The following FCGR2A variants were observed in gnomAD, a reference collection of about 807,000 sequenced individuals.
The protein encoded by FCGR2A is low affinity immunoglobulin gamma Fc region receptor II-a.
FCGR2A carries 18 observed loss-of-function variants against 29.3 expected under a neutral mutation model. That is an observed-to-expected ratio of 0.62 (90% CI 0.43 to 0.91). The LOEUF (loss-of-function observed/expected upper bound fraction) is 0.91, where lower values mean the gene tolerates loss of function less well. Ranked by LOEUF, FCGR2A falls within the 40% of genes least tolerant of loss-of-function variation. FCGR2A has a pLI of 0.00. For missense variants in FCGR2A, 287 were observed against 393.0 expected, an observed-to-expected ratio of 0.73 and a Z score of 2.28; for synonymous variants, 126 against 144.8, an observed-to-expected ratio of 0.87 and a Z score of 0.93.
chr1:161,518,454 A>T lies in FCGR2A; in HGVS notation c.*306A>T. On this transcript the variant is annotated 3_prime_UTR_variant, in exon 7 of 7. Coordinates refer to ENST00000271450, the MANE Select transcript of FCGR2A (RefSeq NM_001136219.3). ...CTAACATATAATTAGGTGACTAGGG[A>T]CTTTCTAAGAAGATACCTACCCCCA... The T allele has an allele frequency of 4.9e-6, 2 of 407,076 alleles. No individual in the cohort carries two copies. The highest frequency in any genetic ancestry group is 8.7e-6 in the Non-Finnish European group (2 of 230,008). 25.2% of individuals were successfully genotyped at this position (407,076 alleles called of 1,614,324 possible). A position where few individuals can be genotyped will look rare whatever the true frequency, so the allele number is the denominator to read the frequency against.
intron 6 of FCGR2A, chr1:161,514,756 A>G (rs1289840950): frequency 6.6e-6 from 1 of 151,546 alleles, no homozygotes; most frequent in Non-Finnish European, 1.5e-5. Context: ...AGTATAGTGT[A>G]CTAGTTTCCA....
At chr1:161,514,393 G>C (rs1009206119) in intron 6 of FCGR2A, among the ~76,000 whole-genome samples, 4 of 150,264 alleles carry the variant, frequency 2.7e-5, no homozygotes, top group African/African-American at 7.4e-5. Context: ...TTGGTTTGGT[G>C]TCACCCAATT....
intron 3 of FCGR2A, among the ~76,000 whole-genome samples, chr1:161,509,161 C>T (rs1675605289): frequency 1.3e-5 from 2 of 152,208 alleles, no homozygotes; most frequent in African/African-American, 4.8e-5. Context: ...AGCCTCAGTT[C>T]TGTGAACCAA....
At chr1:161,520,644 T>C (rs1676415435), downstream of FCGR2A, among the ~76,000 whole-genome samples, 1 of 151,094 alleles carries the variant, frequency 6.6e-6, no homozygotes, top group Non-Finnish European at 1.5e-5. Flanking sequence ...CCTACCACCC[T>C]GGTCCAAGCC....
Position 161,518,050 on chromosome 1 carries a change from G to A in FCGR2A, c.856G>A (p.Gly286Ser). The change falls in exon 7 of 7, where the codon GGC (glycine) becomes AGC (serine). Residue 286 changes from glycine (G) to serine (S), a missense_variant. By Grantham distance (56) the Gly-to-Ser change is moderately conservative. Around this residue, in one of 3 missense-constraint regions of FCGR2A, gnomAD observed 34 missense variants for 73.5 expected, o/e 0.46. Coordinates refer to ENST00000271450, the MANE Select transcript of FCGR2A (RefSeq NM_001136219.3). ...CAACAATGACTATGAAACAGCTGAC[G>A]GCGGCTACATGACTCTGAACCCCAG... is the stretch of plus-strand genomic sequence containing the variant. ...ETNNDYETAD[G>S]GYMTLNPRAP... The A allele has an allele frequency of 3.1e-6, 5 of 1,613,762 alleles. No individual in the cohort carries two copies. The highest frequency in any genetic ancestry group is 3.4e-6 in the Non-Finnish European group (4 of 1,179,782).
In FCGR2A at chr1:161,505,999, G is replaced by A. The variant is rs1675363829; in HGVS notation, c.98G>A (p.Ser33Asn). The A allele has an allele frequency of 1.2e-6, 2 of 1,614,008 alleles. No homozygotes were observed. Among genetic ancestry groups the A allele is most frequent in the Non-Finnish European group, 1.7e-6 (2 of 1,179,850 alleles). ...TTCTCTTTTACAGCTTCTGCAGACA[G>A]TCAAGCTGGTGAGTATGCCCTTTGC... ...TVLLLLASAD[S>N]QAAAPPKAVL... Residue 33 changes from serine (S) to asparagine (N), a missense_variant, in exon 2 of 7, where the codon AGT (serine) becomes AAT (asparagine). Physicochemically the swap from Ser to Asn is conservative, Grantham distance 46 (BLOSUM62 1). Around this residue, in one of 3 missense-constraint regions of FCGR2A, gnomAD observed 181 missense variants for 250.9 expected, o/e 0.72. Transcript: ENST00000271450.
At chr1:161,521,844 C>T (rs191665289), downstream of FCGR2A, among the ~76,000 whole-genome samples, 26 of 152,188 alleles carry the variant, frequency 1.7e-4, no homozygotes, top group Admixed American at 5.9e-4. Flanking sequence ...TAAATTGCCC[C>T]GTCTCAGGTA....
chr1:161,510,173 A>T, intron 4 of FCGR2A, 99 bp downstream of exon 4: 1 of 1,555,628 alleles, frequency 6.4e-7, no homozygotes, highest in Non-Finnish European at 8.7e-7. Flanking sequence ...AGCCCATAGC[A>T]GCAAAATTGG....
chr1:161,506,002 A>C lies in FCGR2A; in HGVS notation c.101A>C (p.Gln34Pro). Reference sequence around the variant, plus strand: ...TCTTTTACAGCTTCTGCAGACAGTCAAGCTGGTGAGTATGCCCTTTGCTTC... The same window carrying C: ...TCTTTTACAGCTTCTGCAGACAGTCCAGCTGGTGAGTATGCCCTTTGCTTC... ...VLLLLASADS[Q>P]AAAPPKAVLK... The change falls in exon 2 of 7, where the codon CAA becomes CCA. Residue 34 changes from glutamine to proline, a missense_variant. Gln to Pro is a moderately conservative substitution (Grantham distance 76). This residue lies in a region of FCGR2A where 181 missense variants were observed against 250.9 expected (regional missense o/e 0.72). Transcript: ENST00000271450. 1 of 1,613,966 alleles carries C rather than the reference A, an allele frequency of 6.2e-7. No homozygotes were observed.
At position 161,519,762 on chromosome 1, in the gene FCGR2A, G is replaced by C. The variant is rs1676379037; in HGVS notation, c.*1614G>C. On this transcript the variant is annotated 3_prime_UTR_variant, in exon 7 of 7. Coordinates refer to ENST00000271450, the MANE Select transcript of FCGR2A (RefSeq NM_001136219.3). ...TGAATACTCTTCTTCTAATGAACTT[G>C]TATTCTTGTTTCCATGTCTTCTTCC... is the stretch of plus-strand genomic sequence containing the variant. 2 of 152,048 alleles carry C rather than the reference G, an allele frequency of 1.3e-5. No homozygotes were observed. Among genetic ancestry groups the C allele is most frequent in the South Asian group, 4.2e-4 (2 of 4,808 alleles). The allele number at this position is 152,048 out of a possible 1,614,324, so 9.4% of individuals were successfully genotyped here.
At chr1:161,510,682 A>G (rs1329185276) in intron 4 of FCGR2A, 152 bp from the exon 5 acceptor site, 1 of 1,024,324 alleles carries the variant, frequency 9.8e-7, no homozygotes, top group Middle Eastern at 2.1e-4. Context: ...GATGTGGTGA[A>G]TCTTGCATTG....
chr1:161,513,917 G>A lies in FCGR2A; in HGVS notation c.765G>A (p.Lys255=), dbSNP rs770648578. 5 of 1,614,104 alleles carry A rather than the reference G, an allele frequency of 3.1e-6. No individual in the cohort carries two copies. The highest frequency in any genetic ancestry group is 4.2e-6 in the Non-Finnish European group (5 of 1,180,064). Residue 255 remains lysine, a synonymous_variant, in exon 6 of 7, where the codon AAG becomes AAA. Transcript: ENST00000271450. The part of the protein sequence containing the change: ...RISANSTDPV[K]AAQFEPPGRQ... ...CAGCCAATTCCACTGATCCTGTGAA[G>A]GCTGCCCAATTTGAGGTGAGTAATC...
At position 161,518,314 on chromosome 1, in the gene FCGR2A, G is replaced by A. The variant is rs913196809; in HGVS notation, c.*166G>A. On this transcript the variant is annotated 3_prime_UTR_variant, in exon 7 of 7. Transcript: ENST00000271450. ...AACTTTGCTTAAACTACAAACACAA[G>A]CAAAACTTCACGGGGTCATACTACA... The A allele has an allele frequency of 1.2e-5, 12 of 1,008,164 alleles. No homozygotes were observed. Among genetic ancestry groups the A allele is most frequent in the Non-Finnish European group, 1.6e-5 (11 of 698,836 alleles). 62.5% of individuals were successfully genotyped at this position (1,008,164 alleles called of 1,614,324 possible).
intron 5 of FCGR2A, among the ~76,000 whole-genome samples, chr1:161,512,342 A>G (rs1675851960): frequency 6.8e-6 from 1 of 147,116 alleles, no homozygotes; most frequent in Non-Finnish European, 1.5e-5. Flanking sequence ...GCTTGAGAAA[A>G]TTCTGGGGGG....
At chr1:161,506,179 T>C in intron 2 of FCGR2A, 155 bp from the exon 3 acceptor site, 3 of 1,276,816 alleles carry the variant, frequency 2.3e-6, no homozygotes, top group Non-Finnish European at 3.4e-6. Flanking sequence ...TTAGATCCAC[T>C]GAAGACCCAA....
At chr1:161,508,266 A>G (rs1233698193) in intron 3 of FCGR2A, among the ~76,000 whole-genome samples, 1 of 151,794 alleles carries the variant, frequency 6.6e-6, no homozygotes, top group Non-Finnish European at 1.5e-5. Context: ...CATCTCAGTA[A>G]TGGTACCTGG....
chr1:161,512,983 G>GT (rs958555986), intron 5 of FCGR2A, among the ~76,000 whole-genome samples: 1 of 152,212 alleles, frequency 6.6e-6, no homozygotes, highest in Non-Finnish European at 1.5e-5. Context: ...TGCATAAATG[G>GT]TTTTTTAAAA....
intron 3 of FCGR2A, 92 bp from the exon 4 acceptor site, chr1:161,509,728 A>T: frequency 6.7e-7 from 1 of 1,499,660 alleles, no homozygotes; most frequent in Non-Finnish European, 9.1e-7. Flanking sequence ...GCCAGACATC[A>T]TGTCAAGTTC....
chr1:161,511,942 G>C (rs766035948), intron 5 of FCGR2A, among the ~76,000 whole-genome samples: 2 of 152,180 alleles, frequency 1.3e-5, no homozygotes, highest in Admixed American at 6.5e-5. Flanking sequence ...AGCAGCGATG[G>C]GGGGATGGCC....
Sources: allele counts gnomAD v4.1 joint callset (sites outside exome capture counted in the v4.1 genomes callset), GRCh38; gene constraint gnomAD v4.1.1; regional missense constraint gnomAD v4.1.1; transcripts MANE v1.5; gene names NCBI Gene and HGNC (gene_info 2026-07-23, HGNC 2026-07-21).